Variants in TBC1D5 observed in about 807,000 individuals in gnomAD.
TBC1D5 encodes the protein TBC1 domain family, member 5.
A neutral mutation model predicts 100.3 loss-of-function variants in TBC1D5; 75 were observed. The observed-to-expected ratio is 0.75, with a 90% CI of 0.62 to 0.91. The LOEUF is 0.91. TBC1D5 is among the 40% of genes least tolerant of loss of function. The probability of loss-of-function intolerance (pLI) is 0.00; values close to 1 mark genes in which losing one functional copy is unlikely to be tolerated. For synonymous variants in TBC1D5, 323 were observed against 325.6 expected, an observed-to-expected ratio of 0.99 and a Z score of 0.09; for missense variants, 910 against 942.4, an observed-to-expected ratio of 0.97 and a Z score of 0.45.
intron 4 of TBC1D5, among the ~76,000 whole-genome samples, chr3:17,413,346 C>T (rs767238623): frequency 2.6e-5 from 4 of 152,112 alleles, no homozygotes; most frequent in African/African-American, 4.8e-5. Context: ...ATGATTGATG[C>T]AATTATTTCT....
intron 4 of TBC1D5, among the ~76,000 whole-genome samples, chr3:17,410,198 C>T (rs937573567): frequency 2.6e-5 from 4 of 152,022 alleles, no homozygotes; most frequent in Non-Finnish European, 5.9e-5. Context: ...CTCCTTGTGC[C>T]GTATAAATGG....
intron 2 of TBC1D5, among the ~76,000 whole-genome samples, chr3:17,559,439 C>T (rs889719498): frequency 5.3e-5 from 8 of 152,018 alleles, no homozygotes; most frequent in South Asian, 2.1e-4. Context: ...CCACTAAGCC[C>T]GGCCTAAAAC....
chr3:17,358,174 T>TTG (rs1553703642), intron 13 of TBC1D5, among the ~76,000 whole-genome samples: 2 of 150,776 alleles, frequency 1.3e-5, no homozygotes, highest in South Asian at 2.1e-4. Context: ...TTCACTTTTT[T>TTG]TTTGTTTGTT....
At chr3:17,697,693 T>C (rs1411012908) in intron 1 of TBC1D5, among the ~76,000 whole-genome samples, 29 of 150,570 alleles carry the variant, frequency 1.9e-4, no homozygotes, top group East Asian at 9.9e-4. Context: ...AGGTAATTTA[T>C]AGATTCAATG....
chr3:17,491,256 AC>A (rs1254557675), intron 3 of TBC1D5, among the ~76,000 whole-genome samples: 1 of 152,180 alleles, frequency 6.6e-6, no homozygotes, highest in Non-Finnish European at 1.5e-5. Context: ...ATATCTGCAT[AC>A]AAAGATAGTC....
At chr3:17,495,859 T>C (rs1035493306) in intron 3 of TBC1D5, among the ~76,000 whole-genome samples, 4 of 152,244 alleles carry the variant, frequency 2.6e-5, no homozygotes, top group Non-Finnish European at 4.4e-5. Flanking sequence ...CTTTATGATG[T>C]TCAGAAATTG....
At chr3:17,646,202 T>C (rs1179743806) in intron 1 of TBC1D5, among the ~76,000 whole-genome samples, 1 of 152,078 alleles carries the variant, frequency 6.6e-6, no homozygotes, top group Non-Finnish European at 1.5e-5. Context: ...GTGACTGAAG[T>C]AATATAATAC....
chr3:17,723,841 T>C lies in TBC1D5; in HGVS notation c.-101+15502A>G, dbSNP rs549425177. On this transcript the variant is annotated intron_variant, in intron 1 of 21. Coordinates refer to ENST00000253692, the Ensembl canonical transcript of TBC1D5. The stretch of plus-strand genomic sequence containing the variant: ...GTTTGAGGGAGTCAAAAGTTATCAA[T>C]GGATTTTCAACTGCACAGGGAGTGG... Among the ~76,000 whole-genome samples the C allele has an allele frequency of 3.9e-4, 60 of 152,270 alleles. 1 individual carries two copies. The South Asian group carries it at 7.0e-3, about 18-fold the overall frequency.
intron 17 of TBC1D5, among the ~76,000 whole-genome samples, chr3:17,214,639 T>TA (rs202019351): frequency 0.026 from 3,465 of 133,280 alleles, 86 homozygotes; most frequent in African/African-American, 0.072. Context: ...TAAAAAGAAC[T>TA]AAAAAAAAAA....
chr3:17,280,703 T>C (rs1486163324), intron 15 of TBC1D5, among the ~76,000 whole-genome samples: 1 of 152,138 alleles, frequency 6.6e-6, no homozygotes, highest in Non-Finnish European at 1.5e-5. Context: ...AATAAAATCT[T>C]CTGCATTCAT....
At chr3:17,310,710 C>G (rs1235880358) in intron 13 of TBC1D5, among the ~76,000 whole-genome samples, 1 of 151,900 alleles carries the variant, frequency 6.6e-6, no homozygotes, top group Non-Finnish European at 1.5e-5. Flanking sequence ...ACCAAAACCA[C>G]ATAAGAAAAA....
intron 3 of TBC1D5, among the ~76,000 whole-genome samples, chr3:17,459,623 T>C (rs1025340984): frequency 6.6e-6 from 1 of 151,970 alleles, no homozygotes; most frequent in Non-Finnish European, 1.5e-5. Context: ...AGGGGCTGGA[T>C]GCAGCAGCGC....
At chr3:17,452,422 T>C (rs149170842) in intron 3 of TBC1D5, among the ~76,000 whole-genome samples, 60 of 152,242 alleles carry the variant, frequency 3.9e-4, no homozygotes, top group African/African-American at 1.4e-3. Flanking sequence ...CAGTGATCTA[T>C]TGCCTACAAG....
chr3:17,212,328 T>G (rs2073081535), intron 18 of TBC1D5, among the ~76,000 whole-genome samples: 1 of 152,214 alleles, frequency 6.6e-6, no homozygotes, highest in Non-Finnish European at 1.5e-5. Context: ...AATGTCATAG[T>G]GCAATGGATT....
intron 14 of TBC1D5, among the ~76,000 whole-genome samples, chr3:17,302,098 G>A (rs1239063620): frequency 1.3e-5 from 2 of 152,176 alleles, no homozygotes; most frequent in Non-Finnish European, 2.9e-5. Flanking sequence ...TCTGAAACTT[G>A]TAGGGGAGAA....
intron 17 of TBC1D5, among the ~76,000 whole-genome samples, chr3:17,222,774 T>G (rs565078494): frequency 3.9e-5 from 6 of 152,206 alleles, no homozygotes; most frequent in Admixed American, 1.3e-4. Context: ...AGTATCTTTC[T>G]TCAGCTCTGG....
rs573972926 is a variant in TBC1D5, at chr3:17,612,357, G to A, written c.-36+11492C>T. Among the ~76,000 whole-genome samples, 13 of 151,156 alleles carry A rather than the reference G, an allele frequency of 8.6e-5. No individual in the cohort carries two copies. In the Middle Eastern group the frequency reaches 0.01, roughly 119 times the overall value. ...AATAAAATGAGTAGAGGCTAGGCGC[G>A]GTGGCTCATACCTGTAACCCCAGCA... On this transcript the variant is annotated intron_variant, in intron 2 of 21. Coordinates refer to ENST00000253692, the Ensembl canonical transcript of TBC1D5.
Position 17,316,495 on chromosome 3 carries a change from G to A in TBC1D5, c.996-8361C>T, listed in dbSNP as rs569509620. Among the ~76,000 whole-genome samples the A allele has an allele frequency of 5.3e-5, 8 of 152,228 alleles. No homozygotes were observed. The South Asian group carries it at 1.5e-3, about 28-fold the overall frequency. On this transcript the variant is annotated intron_variant, in intron 13 of 21. Transcript: ENST00000253692. ...ATTTTAGGAGTTAGGCTAATTCAGG[G>A]ACCTTAGGTTAAGAACTGCTCTATA...
At chr3:17,362,233 A>G (rs1163249132) in intron 13 of TBC1D5, among the ~76,000 whole-genome samples, 1 of 152,246 alleles carries the variant, frequency 6.6e-6, no homozygotes, top group Non-Finnish European at 1.5e-5. Flanking sequence ...GAGTTCTTAT[A>G]TGTGACACAA....
Sources: allele counts gnomAD v4.1 joint callset (sites outside exome capture counted in the v4.1 genomes callset), GRCh38; gene constraint gnomAD v4.1.1; transcripts MANE v1.5; gene names NCBI Gene and HGNC (gene_info 2026-07-23, HGNC 2026-07-21).